Variants in IL20RB observed in about 807,000 individuals in gnomAD.
IL20RB encodes interleukin 20 receptor subunit beta.
In IL20RB, 21 loss-of-function variants were observed where a neutral mutation model predicts 33.3. That is an observed-to-expected ratio of 0.63 (90% CI 0.45 to 0.91). IL20RB has a LOEUF of 0.91. Ranked by LOEUF, IL20RB falls within the 40% of genes least tolerant of loss-of-function variation. The pLI is 0.00. For synonymous variants in IL20RB, 147 were observed against 146.8 expected (o/e 1.00, Z -0.01); for missense variants, 345 against 384.8 (o/e 0.90, Z 0.86).
chr3:136,967,440 C>T (rs1941382248), intron 1 of IL20RB, among the ~76,000 whole-genome samples: 1 of 52,392 alleles, frequency 1.9e-5, no homozygotes, highest in African/African-American at 8.0e-5. Context: ...GATCCCTTTA[C>T]CATTATGTAA....
At chr3:136,969,781 T>A (rs1941424265) in intron 1 of IL20RB, among the ~76,000 whole-genome samples, 1 of 152,174 alleles carries the variant, frequency 6.6e-6, no homozygotes, top group Non-Finnish European at 1.5e-5. Context: ...TTGCTGTTTT[T>A]TTTTCCACTT....
chr3:137,001,158 C>T (rs1942234867), intron 6 of IL20RB, among the ~76,000 whole-genome samples: 1 of 152,194 alleles, frequency 6.6e-6, no homozygotes, highest in African/African-American at 2.4e-5. Flanking sequence ...GACTGGAAGA[C>T]TCTGTGACAG....
Position 136,980,451 on chromosome 3 carries a change from C to G in IL20RB, c.89-15C>G, listed in dbSNP as rs2108196964. On this transcript the variant is annotated splice_polypyrimidine_tract_variant and intron_variant, in intron 1 of 6. Coordinates refer to ENST00000329582, the MANE Select transcript of IL20RB (RefSeq NM_144717.4). ...TGAGCCCACCTGTCAGCCAGGCTATCTGCCTTGATCCTAGATGAAGTGGCC... is the reference window on the plus strand; with the variant it reads ...TGAGCCCACCTGTCAGCCAGGCTATGTGCCTTGATCCTAGATGAAGTGGCC... 1 of 1,614,144 alleles carries G rather than the reference C, an allele frequency of 6.2e-7. No homozygotes were observed. Among genetic ancestry groups the G allele is most frequent in the Non-Finnish European group, 8.5e-7 (1 of 1,180,020 alleles).
chr3:136,962,379 C>A (rs1033834040), intron 1 of IL20RB, among the ~76,000 whole-genome samples: 5 of 151,964 alleles, frequency 3.3e-5, no homozygotes, highest in African/African-American at 9.7e-5. Context: ...AAATGTGTAA[C>A]CTCAATCAAA....
At chr3:136,985,991 C>CA (rs1560072160) in intron 3 of IL20RB, among the ~76,000 whole-genome samples, 2 of 152,142 alleles carry the variant, frequency 1.3e-5, no homozygotes, top group African/African-American at 4.8e-5. Flanking sequence ...CATGGTGGCT[C>CA]ATGCCTGTAA....
chr3:136,993,580 C>A (rs1942072588), intron 5 of IL20RB, among the ~76,000 whole-genome samples: 1 of 152,058 alleles, frequency 6.6e-6, no homozygotes, highest in African/African-American at 2.4e-5. Context: ...CAACCCCCAC[C>A]CCATGACCGG....
At chr3:136,987,803 A>G (rs1386047911) in intron 3 of IL20RB, among the ~76,000 whole-genome samples, 1 of 152,168 alleles carries the variant, frequency 6.6e-6, no homozygotes, top group Non-Finnish European at 1.5e-5. Flanking sequence ...TGGAGGACCC[A>G]GTACACCCTC....
intron 6 of IL20RB, among the ~76,000 whole-genome samples, chr3:137,004,723 G>A (rs1045480807): frequency 2.6e-5 from 4 of 152,054 alleles, no homozygotes; most frequent in Non-Finnish European, 4.4e-5. Flanking sequence ...CCAGCTTCTG[G>A]ATTCATTTAT....
intron 3 of IL20RB, among the ~76,000 whole-genome samples, chr3:136,983,006 C>T (rs533663341): frequency 1.3e-4 from 20 of 151,940 alleles, no homozygotes; most frequent in African/African-American, 4.8e-4. Flanking sequence ...AGCAGTTGAT[C>T]ATGTGGTGAA....
chr3:137,003,100 G>C (rs924950629), intron 6 of IL20RB, among the ~76,000 whole-genome samples: 1 of 152,168 alleles, frequency 6.6e-6, no homozygotes, highest in Non-Finnish European at 1.5e-5. Context: ...TGTTATATCT[G>C]AGGTCTCTGT....
chr3:137,009,041 G>T (rs186576737), intron 6 of IL20RB, among the ~76,000 whole-genome samples: 2 of 152,174 alleles, frequency 1.3e-5, no homozygotes, highest in Non-Finnish European at 2.9e-5. Context: ...TAACACCCCC[G>T]CTTAGTGAAT....
chr3:136,977,756 G>A (rs188871746), intron 1 of IL20RB, among the ~76,000 whole-genome samples: 48 of 152,168 alleles, frequency 3.2e-4, no homozygotes, highest in African/African-American at 1.1e-3. Flanking sequence ...GAACTCCTGA[G>A]CTCAGGCGAT....
In IL20RB at chr3:136,983,296, C is replaced by T. The variant is rs926765488; in HGVS notation, c.406+946C>T. 2.6e-5 allele frequency among the ~76,000 whole-genome samples: 4 copies of T among 152,140 alleles called. No individual in the cohort carries two copies. The South Asian group carries it at 8.3e-4, about 31-fold the overall frequency. On this transcript the variant is annotated intron_variant, in intron 3 of 6. Coordinates refer to ENST00000329582, the MANE Select transcript of IL20RB (RefSeq NM_144717.4). The stretch of plus-strand genomic sequence containing the variant: ...AGAGACAGGGTTTCACTATGTTTTC[C>T]AGGCTGGTCTGGAACTCCTGACCTC...
Position 137,010,255 on chromosome 3 carries a change from C to T in IL20RB, c.*32C>T. 9.9e-7 allele frequency: 1 copy of T among 1,010,758 alleles called. No homozygotes were observed. Among genetic ancestry groups the T allele is most frequent in the Non-Finnish European group, 1.6e-6 (1 of 631,296 alleles). The allele number at this position is 1,010,758 out of a possible 1,614,324, so 62.6% of individuals were successfully genotyped here. On this transcript the variant is annotated 3_prime_UTR_variant, in exon 7 of 7. Transcript: ENST00000329582. ...GGAAGGGCCCAGGTGAAGCCGAGAACCTGGTCTGCATGACATGGAAACCAT... is the reference window on the plus strand; with the variant it reads ...GGAAGGGCCCAGGTGAAGCCGAGAATCTGGTCTGCATGACATGGAAACCAT...
At chr3:136,972,304 C>T (rs1434019643) in intron 1 of IL20RB, among the ~76,000 whole-genome samples, 2 of 152,120 alleles carry the variant, frequency 1.3e-5, no homozygotes, top group Admixed American at 1.3e-4. Context: ...CTGATTGTTT[C>T]CTTTGCTGTG....
intron 3 of IL20RB, among the ~76,000 whole-genome samples, chr3:136,987,242 G>A (rs191359979): frequency 6.6e-6 from 1 of 151,950 alleles, no homozygotes; most frequent in Non-Finnish European, 1.5e-5. Flanking sequence ...TGATTCGTGC[G>A]TTTACAATCC....
intron 1 of IL20RB, among the ~76,000 whole-genome samples, chr3:136,977,314 A>G (rs758618563): frequency 7.2e-5 from 11 of 152,204 alleles, no homozygotes; most frequent in Non-Finnish European, 1.3e-4. Flanking sequence ...TAGGAATTGC[A>G]TTAAACCTAT....
intron 1 of IL20RB, among the ~76,000 whole-genome samples, chr3:136,979,698 G>A (rs141475439): frequency 2.0e-4 from 30 of 152,236 alleles, no homozygotes; most frequent in African/African-American, 6.3e-4. Context: ...CTGGCTCAGG[G>A]GCCTGCAGTC....
intron 5 of IL20RB, among the ~76,000 whole-genome samples, chr3:136,994,008 C>T (rs1203048471): frequency 9.1e-6 from 1 of 109,336 alleles, no homozygotes; most frequent in African/African-American, 3.6e-5. Context: ...GCAAGACTGT[C>T]TCAAAAAAAA....
Sources: gnomAD v4.1 joint callset for allele counts (sites outside exome capture counted in the v4.1 genomes callset) on GRCh38, gnomAD v4.1.1 for gene constraint, MANE v1.5 for transcripts, NCBI Gene and HGNC (gene_info 2026-07-23, HGNC 2026-07-21) for gene names.